HAP1: variants seen among roughly 807,000 people sequenced by gnomAD.
HAP1 encodes the protein huntingtin associated protein 1.
In HAP1, 59 loss-of-function variants were observed where a neutral mutation model predicts 60.3. The ratio of observed to expected loss-of-function variants is 0.98; its 90% CI spans 0.79 to 1.22. HAP1 has a LOEUF of 1.22. Among genes scored for constraint, HAP1 ranks in the 50% most tolerant of loss-of-function variants. HAP1 has a pLI of 0.00. For synonymous variants in HAP1, 346 were observed against 330.6 expected (o/e 1.05, Z -0.50); for missense variants, 825 against 785.3 (o/e 1.05, Z -0.60).
intron 1 of HAP1, 51 bp downstream of exon 1, chr17:41,734,115 T>C: frequency 6.9e-7 from 1 of 1,442,064 alleles, no homozygotes; most frequent in Non-Finnish European, 9.4e-7. Context: ...ACTTCCTCCC[T>C]GGAGTTGCCC....
Position 41,728,252 on chromosome 17 carries a change from C to T in HAP1, c.1149G>A (p.Glu383=). The T allele has an allele frequency of 6.2e-7, 1 of 1,613,520 alleles. No individual in the cohort carries two copies. The change falls in exon 7 of 11, where the codon GAG becomes GAA. Residue 383 remains glutamate (E), a synonymous_variant. Transcript: ENST00000347901. ...RLENYERQQQ[E]VARLQAQVLK... ...GCACCTGGGCCTGCAGCCGAGCGAC[C>T]TCCTGCTGCTGCCGTTCATAGTTTT...
chr17:41,727,674 A>G (rs1911774403), intron 8 of HAP1, 88 bp downstream of exon 8: 1 of 807,680 alleles, frequency 1.2e-6, no homozygotes, highest in African/African-American at 1.7e-5. Context: ...AGTCCTCTCC[A>G]GAGTCAGGTA....
intron 2 of HAP1, 91 bp downstream of exon 2, chr17:41,732,628 G>T: frequency 8.3e-7 from 1 of 1,207,864 alleles, no homozygotes; most frequent in Non-Finnish European, 1.2e-6. Flanking sequence ...GGGCCCCAGA[G>T]AGACTGCCAA....
rs569017372 is a variant in HAP1, at chr17:41,734,151, G to A, written c.469+15C>T. The A allele has an allele frequency of 1.3e-6, 2 of 1,557,154 alleles. No individual in the cohort carries two copies. The highest frequency in any genetic ancestry group is 1.4e-5 in the African/African-American group (1 of 73,696). On this transcript the variant is annotated intron_variant, in intron 1 of 10. Transcript: ENST00000347901. Reference sequence around the variant, plus strand: ...CAGTCCCCACCCGGTCCAGGACCCCGGGGGCCCGATTTACCTTCCTCCAGC... The same window carrying A: ...CAGTCCCCACCCGGTCCAGGACCCCAGGGGCCCGATTTACCTTCCTCCAGC...
chr17:41,731,551 T>C lies in HAP1; in HGVS notation c.1011A>G (p.Gln337=). The part of the protein sequence containing the change: ...ENHQLREEAS[Q]LDTLEDEEQM... Reference sequence around the variant, plus strand: ...GTTCCTCATCCTCAAGAGTGTCGAGTTGAGAGGCCTGGAGGGAGACAAAGA... The same window carrying C: ...GTTCCTCATCCTCAAGAGTGTCGAGCTGAGAGGCCTGGAGGGAGACAAAGA... The change falls in exon 6 of 11, where the codon CAA becomes CAG. Residue 337 remains glutamine, a synonymous_variant. Transcript: ENST00000347901. The C allele has an allele frequency of 6.2e-7, 1 of 1,612,368 alleles. No homozygotes were observed. Among genetic ancestry groups the C allele is most frequent in the Non-Finnish European group, 8.5e-7 (1 of 1,178,566 alleles).
chr17:41,734,459 TGGGATCCAGAGGTGGCTC>T lies in HAP1; in HGVS notation c.158_175del (p.Arg53_Ser58del). 6.2e-7 allele frequency: 1 copy of T among 1,610,002 alleles called. No individual in the cohort carries two copies. The highest frequency in any genetic ancestry group is 1.7e-4 in the Middle Eastern group (1 of 6,034). ...TCCGGTGCGGGCTTCCGAGAGGAAC[TGGGATCCAGAGGTGGCTC>T]GGGATCCTACTCTCTGTCCAGTGCC... On this transcript the variant is annotated inframe_deletion, in exon 1 of 11. Coordinates refer to ENST00000347901, the MANE Select transcript of HAP1 (RefSeq NM_177977.3).
chr17:41,731,884 G>A lies in HAP1; in HGVS notation c.896+53C>T. 3 of 816,520 alleles carry A rather than the reference G, an allele frequency of 3.7e-6. No individual in the cohort carries two copies. The South Asian group carries it at 4.4e-5, about 12-fold the overall frequency. The allele number at this position is 816,520 out of a possible 1,614,324, so 50.6% of individuals were successfully genotyped here. A position where few individuals can be genotyped will look rare whatever the true frequency, so the allele number is the denominator to read the frequency against. The stretch of plus-strand genomic sequence containing the variant: ...ATCACCTGTGTCCCTCTTAACAAAT[G>A]AGGAAATTGAGGCTCAGAGAAAGGA... On this transcript the variant is annotated intron_variant, in intron 4 of 10. Transcript: ENST00000347901.
chr17:41,732,334 G>T lies in HAP1; in HGVS notation c.610C>A (p.Leu204Met), dbSNP rs1555591342. The change falls in exon 3 of 11, where the codon CTG becomes ATG. Residue 204 changes from leucine to methionine, a missense_variant. Transcript: ENST00000347901. ...TGGCCGATGCGAGCTGCAGTGTTCAGGTCCCTCTCTCTCTGCAGGACCATC... is the reference window on the plus strand; with the variant it reads ...TGGCCGATGCGAGCTGCAGTGTTCATGTCCCTCTCTCTCTGCAGGACCATC... ...YGMVLQRERD[L>M]NTAARIGQSL... The T allele has an allele frequency of 1.9e-6, 3 of 1,614,034 alleles. No individual in the cohort carries two copies. Among genetic ancestry groups the T allele is most frequent in the Non-Finnish European group, 8.5e-7 (1 of 1,179,916 alleles).
intron 9 of HAP1, 146 bp from the exon 10 acceptor site, chr17:41,726,043 GCAGGTCACCTGAGGTCAGGAGTT>G (rs1266196622): frequency 3.0e-6 from 2 of 661,336 alleles, no homozygotes; most frequent in African/African-American, 3.6e-5. Context: ...GCCGAGGTGG[GCAGGTCACCTGAGGTCAGGAGTT>G]CAAGACCAGC....
chr17:41,731,467 C>A, intron 6 of HAP1, 26 bp downstream of exon 6: 1 of 1,530,716 alleles, frequency 6.5e-7, no homozygotes, highest in South Asian at 1.1e-5. Flanking sequence ...GGACAACCCC[C>A]CACCCCGAGT....
At chr17:41,719,953 G>C (rs1486964865), downstream of HAP1, among the ~76,000 whole-genome samples, 1 of 138,068 alleles carries the variant, frequency 7.2e-6, no homozygotes, top group Non-Finnish European at 1.5e-5. Flanking sequence ...GCAGTGGCAC[G>C]ATCTTGGCTC....
chr17:41,732,623 C>A, intron 2 of HAP1, 96 bp downstream of exon 2: 5 of 1,196,744 alleles, frequency 4.2e-6, no homozygotes, highest in Non-Finnish European at 6.2e-6. Context: ...ACCTGGGGCC[C>A]CAGAGAGACT....
Position 41,725,874 on chromosome 17 carries a change from T to C in HAP1, c.1391A>G (p.Asp464Gly), listed in dbSNP as rs1382454219. ...GCAGGCTTACCTTAGGCTGGATGTG[T>C]CCCCTCTGGGCATCTCATAATTCCT... ...MERNYEMPRG[D>G]TSSLRYDFRY... The change falls in exon 10 of 11, where the codon GAC (aspartate) becomes GGC (glycine). Residue 464 changes from aspartate to glycine, a missense_variant. Transcript: ENST00000347901. The C allele has an allele frequency of 8.1e-6, 13 of 1,613,046 alleles. No individual in the cohort carries two copies. Among genetic ancestry groups the C allele is most frequent in the Non-Finnish European group, 1.1e-5 (13 of 1,179,020 alleles).
chr17:41,733,982 G>T (rs540537733), intron 1 of HAP1, among the ~76,000 whole-genome samples, 184 bp downstream of exon 1: 2 of 152,192 alleles, frequency 1.3e-5, no homozygotes, highest in African/African-American at 4.8e-5. Flanking sequence ...CAAACCAGGG[G>T]ACAAGAGCAG....
chr17:41,719,095 C>T (rs1485013801), downstream of HAP1, among the ~76,000 whole-genome samples: 1 of 152,178 alleles, frequency 6.6e-6, no homozygotes, highest in African/African-American at 2.4e-5. Context: ...TCTCCTGCCT[C>T]AGCCTCTCAA....
intron 1 of HAP1, among the ~76,000 whole-genome samples, chr17:41,733,516 C>T (rs1555591737): frequency 6.6e-6 from 1 of 151,736 alleles, no homozygotes; most frequent in African/African-American, 2.4e-5. Flanking sequence ...CACCCCCTAC[C>T]CAGGAGGCAG....
chr17:41,724,535 G>A lies in HAP1; in HGVS notation c.*166C>T. 1 of 621,892 alleles carries A rather than the reference G, an allele frequency of 1.6e-6. No homozygotes were observed. Among genetic ancestry groups the A allele is most frequent in the Non-Finnish European group, 2.8e-6 (1 of 352,852 alleles). The allele number at this position is 621,892 out of a possible 1,614,324, so 38.5% of individuals were successfully genotyped here. On this transcript the variant is annotated 3_prime_UTR_variant, in exon 11 of 11. Transcript: ENST00000347901. ...CAGGAGAAAAGTGGATGGAGATCTG[G>A]AATCCTAAGCAAATGCCACATAAAT...
At position 41,725,035 on chromosome 17, in the gene HAP1, A is replaced by G. The variant is rs1555588384; in HGVS notation, c.1526T>C (p.Val509Ala). The change falls in exon 11 of 11, where the codon GTG becomes GCG. Residue 509 changes from valine to alanine, a missense_variant. Coordinates refer to ENST00000347901, the MANE Select transcript of HAP1 (RefSeq NM_177977.3). ...GGCAGCCCCCAGCTCCTCCTGGGGCACGAACTCCTCCGCAGGCGTGAAATC... is the reference window on the plus strand; with the variant it reads ...GGCAGCCCCCAGCTCCTCCTGGGGCGCGAACTCCTCCGCAGGCGTGAAATC... ...GEDFTPAEEF[V>A]PQEELGAAKK... The G allele has an allele frequency of 6.2e-7, 1 of 1,612,146 alleles. No homozygotes were observed. Among genetic ancestry groups the G allele is most frequent in the Non-Finnish European group, 8.5e-7 (1 of 1,179,002 alleles).
rs782074480 is a variant in HAP1, at chr17:41,732,087, C to A, written c.746G>T (p.Arg249Leu). The A allele has an allele frequency of 4.7e-5, 76 of 1,613,632 alleles. No individual in the cohort carries two copies. The highest frequency in any genetic ancestry group is 6.3e-5 in the Non-Finnish European group (74 of 1,179,744). ...TGAGTAGAGCTGGAGGAGCTCATCC[C>A]GCAAGTTCACCTGGTGTCTGAGGTA... The part of the protein sequence containing the change: ...ILYLRHQVNL[R>L]DELLQLYSDS... Residue 249 changes from arginine to leucine, a missense_variant, in exon 4 of 11, where the codon CGG becomes CTG. By Grantham distance (102) the Arg-to-Leu change is moderately radical. Coordinates refer to ENST00000347901, the MANE Select transcript of HAP1 (RefSeq NM_177977.3).
Sources: gnomAD v4.1 joint callset for allele counts (sites outside exome capture counted in the v4.1 genomes callset) on GRCh38, gnomAD v4.1.1 for gene constraint, MANE v1.5 for transcripts, NCBI Gene and HGNC (gene_info 2026-07-23, HGNC 2026-07-21) for gene names.